Variants in AFF2 observed in about 807,000 individuals in gnomAD.
The protein encoded by AFF2 is ALF transcription elongation factor 2, also known as AF4/FMR2 family member 2.
In AFF2, 14 loss-of-function variants were observed where a neutral mutation model predicts 76.9. The observed-to-expected ratio is 0.18, with a 90% CI of 0.12 to 0.28. The LOEUF (loss-of-function observed/expected upper bound fraction) is 0.28, where lower values mean the gene tolerates loss of function less well. AFF2 is among the 10% of genes least tolerant of loss of function. AFF2 has a pLI of 1.00. For synonymous variants in AFF2, 398 were observed against 366.7 expected (o/e 1.09, Z -0.98); for missense variants, 868 against 1,001.1 (o/e 0.87, Z 1.79).
intron 3 of AFF2, among the ~76,000 whole-genome samples, chrX:148,679,220 C>T (rs1456314231): frequency 9.8e-6 from 1 of 102,105 alleles, no homozygotes; most frequent in Non-Finnish European, 2.0e-5. Flanking sequence ...AAAGCAAAAC[C>T]ATACTAGATG....
At chrX:148,681,583 TGA>T (rs67689552) in intron 3 of AFF2, among the ~76,000 whole-genome samples, 39,702 of 89,843 alleles carry the variant, frequency 0.44, 7,152 homozygotes, top group Middle Eastern at 0.55. Flanking sequence ...TGTGTGTGTG[TGA>T]GAGAGAGAGA....
chrX:148,785,865 G>A (rs1016805044), intron 3 of AFF2, among the ~76,000 whole-genome samples: 2 of 111,828 alleles, frequency 1.8e-5, no homozygotes, highest in Admixed American at 9.5e-5. Flanking sequence ...CTGAAGTTAC[G>A]AGTAAGGGAA....
chrX:148,726,585 A>G (rs1204086864), intron 3 of AFF2, among the ~76,000 whole-genome samples: 4 of 111,893 alleles, frequency 3.6e-5, no homozygotes, highest in Non-Finnish European at 7.5e-5. Context: ...CACTATCAGT[A>G]TGACCCCATT....
chrX:148,852,226 C>T (rs782302134), intron 7 of AFF2, among the ~76,000 whole-genome samples: 10 of 110,448 alleles, frequency 9.1e-5, no homozygotes, highest in Non-Finnish European at 1.5e-4. Context: ...ATTTATATTC[C>T]TCTGGGTATA....
chrX:148,901,809 T>G lies in AFF2; in HGVS notation c.1360-2412T>G, dbSNP rs1225752224. 1.8e-4 allele frequency among the ~76,000 whole-genome samples: 20 copies of G among 112,109 alleles called. No individual in the cohort carries two copies. The Admixed American group carries it at 1.8e-3, about 10-fold the overall frequency. On this transcript the variant is annotated intron_variant, in intron 8 of 20. Coordinates refer to ENST00000370460, the MANE Select transcript of AFF2 (RefSeq NM_002025.4). ...AAGCATAGTAACACATTGCGAGCTT[T>G]TTCTCATATGGCAAGGTTCTCTGCC...
intron 9 of AFF2, among the ~76,000 whole-genome samples, chrX:148,923,175 CAT>C (rs1557283412): frequency 9.0e-6 from 1 of 111,711 alleles, no homozygotes. Context: ...ACATTTCTAA[CAT>C]AAAACCAATA....
At chrX:148,580,150 G>A (rs1274283060) in intron 1 of AFF2, among the ~76,000 whole-genome samples, 1 of 111,507 alleles carries the variant, frequency 9.0e-6, no homozygotes, top group East Asian at 2.8e-4. Flanking sequence ...TTTAATACTT[G>A]TCCAAGTAGT....
intron 3 of AFF2, among the ~76,000 whole-genome samples, chrX:148,678,844 G>A (rs986699168): frequency 8.9e-6 from 1 of 111,914 alleles, no homozygotes; most frequent in Non-Finnish European, 1.9e-5. Flanking sequence ...TGTAGCTACA[G>A]TGTGTTATTG....
At chrX:148,950,790 T>A (rs1378146110) in intron 9 of AFF2, among the ~76,000 whole-genome samples, 5 of 112,165 alleles carry the variant, frequency 4.5e-5, no homozygotes, top group African/African-American at 1.6e-4. Flanking sequence ...TTTCTTTATA[T>A]CTACTTATAA....
intron 1 of AFF2, among the ~76,000 whole-genome samples, chrX:148,582,224 A>G (rs1426673500): frequency 1.8e-5 from 2 of 111,359 alleles, no homozygotes; most frequent in African/African-American, 6.5e-5. Context: ...GGTGATGTTA[A>G]CTTTGATCAT....
chrX:148,516,429 C>T (rs1209464989), intron 1 of AFF2, among the ~76,000 whole-genome samples: 3 of 111,621 alleles, frequency 2.7e-5, no homozygotes, highest in Non-Finnish European at 5.6e-5. Flanking sequence ...AAAAGGCTAA[C>T]AGGAACGTTT....
At chrX:148,982,277 T>C (rs2072404169) in intron 19 of AFF2, among the ~76,000 whole-genome samples, 1 of 112,455 alleles carries the variant, frequency 8.9e-6, no homozygotes, top group African/African-American at 3.2e-5. Flanking sequence ...AGCTTTTGAC[T>C]GAGGCAACTC....
At chrX:148,583,895 T>C (rs983026189) in intron 1 of AFF2, among the ~76,000 whole-genome samples, 4 of 112,009 alleles carry the variant, frequency 3.6e-5, no homozygotes, top group African/African-American at 1.3e-4. Flanking sequence ...TACTAGCTAG[T>C]GTACAATATT....
At chrX:148,877,613 T>C (rs1467783098) in intron 7 of AFF2, among the ~76,000 whole-genome samples, 2 of 112,899 alleles carry the variant, frequency 1.8e-5, no homozygotes, top group Admixed American at 1.9e-4. Flanking sequence ...TCCTATTTCC[T>C]GTGTCAATTC....
At chrX:148,957,040 T>G in intron 11 of AFF2, among the ~76,000 whole-genome samples, 1 of 112,452 alleles carries the variant, frequency 8.9e-6, no homozygotes, top group Non-Finnish European at 1.9e-5. Context: ...GGATCACTGA[T>G]CTATGTGGTA....
intron 3 of AFF2, among the ~76,000 whole-genome samples, chrX:148,701,012 A>ATATGTG (rs2054788206): frequency 1.4e-5 from 1 of 73,743 alleles, no homozygotes; most frequent in Non-Finnish European, 2.5e-5. Context: ...GAGAGAGAGA[A>ATATGTG]TGTGTGTGTG....
At chrX:148,890,963 A>G (rs1177903225) in intron 8 of AFF2, among the ~76,000 whole-genome samples, 1 of 112,314 alleles carries the variant, frequency 8.9e-6, no homozygotes, top group Non-Finnish European at 1.9e-5. Flanking sequence ...GCTGCAATGT[A>G]TTTTTTAAGT....
At chrX:148,982,686 G>C (rs1365000632) in intron 19 of AFF2, among the ~76,000 whole-genome samples, 2 of 111,284 alleles carry the variant, frequency 1.8e-5, no homozygotes, top group East Asian at 5.7e-4. Flanking sequence ...TATATGGAGA[G>C]ATGAGCAGAG....
chrX:148,980,031 C>T (rs1370248009), intron 18 of AFF2, among the ~76,000 whole-genome samples: 1 of 111,932 alleles, frequency 8.9e-6, no homozygotes, highest in Non-Finnish European at 1.9e-5. Context: ...TAGGCCATTA[C>T]AATGAGCCTG....
Sources: gnomAD v4.1 joint callset for allele counts (sites outside exome capture counted in the v4.1 genomes callset) on GRCh38, gnomAD v4.1.1 for gene constraint, MANE v1.5 for transcripts, NCBI Gene and HGNC (gene_info 2026-07-23, HGNC 2026-07-21) for gene names.